The following LRRC4C variants were observed in gnomAD, a reference collection of about 807,000 sequenced individuals.
LRRC4C encodes leucine-rich repeat-containing protein 4C.
Under a neutral mutation model 33.6 loss-of-function variants are expected in LRRC4C, and 5 were observed. The ratio of observed to expected loss-of-function variants is 0.15; its 90% CI spans 0.08 to 0.31. The LOEUF (loss-of-function observed/expected upper bound fraction) is 0.31, where lower values mean the gene tolerates loss of function less well. Ranked by LOEUF, LRRC4C falls within the 10% of genes least tolerant of loss-of-function variation. The pLI is 1.00. For missense variants in LRRC4C, 560 were observed against 796.7 expected (o/e 0.70, Z 3.58); for synonymous variants, 329 against 302.0 (o/e 1.09, Z -0.93).
intron 1 of LRRC4C, among the ~76,000 whole-genome samples, chr11:41,195,702 T>C (rs1360799890): frequency 6.6e-6 from 1 of 152,080 alleles, no homozygotes; most frequent in Non-Finnish European, 1.5e-5. Flanking sequence ...TTATATGGAA[T>C]GGAGGAAGGC....
intron 2 of LRRC4C, among the ~76,000 whole-genome samples, chr11:40,732,722 A>C (rs1947653370): frequency 6.6e-6 from 1 of 152,180 alleles, no homozygotes; most frequent in Admixed American, 6.5e-5. Context: ...CTAGTTATTT[A>C]ATCTTTTTAA....
chr11:41,345,724 A>G (rs997702569), intron 1 of LRRC4C, among the ~76,000 whole-genome samples: 1 of 152,154 alleles, frequency 6.6e-6, no homozygotes, highest in Non-Finnish European at 1.5e-5. Flanking sequence ...TCCAGCCCCT[A>G]CAGATTTCTC....
intron 1 of LRRC4C, among the ~76,000 whole-genome samples, chr11:41,186,084 T>G (rs1945682970): frequency 6.6e-6 from 1 of 152,124 alleles, no homozygotes; most frequent in African/African-American, 2.4e-5. Flanking sequence ...ATAAATGACA[T>G]GAATGTAGTA....
intron 1 of LRRC4C, among the ~76,000 whole-genome samples, chr11:41,177,391 G>C (rs1590847131): frequency 6.6e-6 from 1 of 152,168 alleles, no homozygotes; most frequent in South Asian, 2.1e-4. Context: ...TGAGTACTGA[G>C]AGTCCAAGTT....
At chr11:41,031,539 A>T in intron 1 of LRRC4C, among the ~76,000 whole-genome samples, 1 of 152,128 alleles carries the variant, frequency 6.6e-6, no homozygotes, top group East Asian at 1.9e-4. Flanking sequence ...CATTCAGTGG[A>T]CAAATCATAG....
chr11:41,421,220 T>A (rs1049149195), intron 1 of LRRC4C, among the ~76,000 whole-genome samples: 4 of 152,058 alleles, frequency 2.6e-5, no homozygotes. Flanking sequence ...TATTACTTAA[T>A]GTAATGACAT....
chr11:40,402,394 G>C (rs1156735238), intron 3 of LRRC4C, among the ~76,000 whole-genome samples: 1 of 151,952 alleles, frequency 6.6e-6, no homozygotes, highest in Non-Finnish European at 1.5e-5. Context: ...AAGTTGGCTG[G>C]GCAGATATAT....
intron 1 of LRRC4C, among the ~76,000 whole-genome samples, chr11:40,983,513 A>G (rs1267194674): frequency 1.3e-5 from 2 of 152,242 alleles, no homozygotes; most frequent in Non-Finnish European, 2.9e-5. Context: ...AATCTGACAA[A>G]TGGGATTTAA....
Position 40,980,492 on chromosome 11 carries a change from A to G in LRRC4C, c.-495-46769T>C, listed in dbSNP as rs1171609552. ...ATTGAGACCTCCTAGCATAGTCTGC[A>G]CTATACACCGTCCGTCCATTTCTGG... On this transcript the variant is annotated intron_variant, in intron 1 of 6. Transcript: ENST00000528697. Among the ~76,000 whole-genome samples, 2 of 152,196 alleles carry G rather than the reference A, an allele frequency of 1.3e-5. 1 individual carries two copies. The highest frequency in any genetic ancestry group is 4.1e-4 in the South Asian group (2 of 4,834).
intron 1 of LRRC4C, among the ~76,000 whole-genome samples, chr11:40,949,609 C>T (rs904894533): frequency 4.6e-5 from 7 of 151,150 alleles, no homozygotes; most frequent in African/African-American, 1.7e-4. Flanking sequence ...TCATATCCAG[C>T]CAAACTAAGC....
At chr11:40,823,808 G>A (rs73472619) in intron 2 of LRRC4C, among the ~76,000 whole-genome samples, 2,306 of 151,844 alleles carry the variant, frequency 0.015, 65 homozygotes, top group African/African-American at 0.054. Context: ...CTTACCCTAT[G>A]ACCTAGAAAC....
intron 2 of LRRC4C, among the ~76,000 whole-genome samples, chr11:40,903,619 T>C (rs185647815): frequency 6.6e-6 from 1 of 152,312 alleles, no homozygotes; most frequent in East Asian, 1.9e-4. Flanking sequence ...GAGGTCAAAC[T>C]ATCAACATTA....
intron 1 of LRRC4C, among the ~76,000 whole-genome samples, chr11:41,104,089 T>C (rs1042436667): frequency 1.3e-5 from 2 of 151,874 alleles, no homozygotes; most frequent in African/African-American, 4.8e-5. Flanking sequence ...ACATAAAATA[T>C]GAGAAAAACT....
intron 2 of LRRC4C, among the ~76,000 whole-genome samples, chr11:40,656,215 TTTTC>T (rs1032751002): frequency 2.7e-5 from 4 of 145,588 alleles, no homozygotes; most frequent in African/African-American, 9.8e-5. Flanking sequence ...TCCGTACTGT[TTTTC>T]TTTTTTTTTT....
intron 1 of LRRC4C, among the ~76,000 whole-genome samples, chr11:41,004,264 A>G (rs1239187218): frequency 5.3e-5 from 8 of 152,166 alleles, no homozygotes; most frequent in Admixed American, 5.2e-4. Flanking sequence ...ACAAGCATCA[A>G]ATTTAATGGC....
At chr11:41,185,639 AG>A (rs1286460111) in intron 1 of LRRC4C, among the ~76,000 whole-genome samples, 2 of 152,190 alleles carry the variant, frequency 1.3e-5, no homozygotes, top group African/African-American at 4.8e-5. Context: ...GCCACTGTAA[AG>A]GTTCAGGGCT....
At chr11:41,342,497 T>A (rs1408632572) in intron 1 of LRRC4C, among the ~76,000 whole-genome samples, 1 of 152,118 alleles carries the variant, frequency 6.6e-6, no homozygotes, top group Non-Finnish European at 1.5e-5. Flanking sequence ...GGTGGACCAC[T>A]TGAGGTCAGG....
chr11:40,737,809 A>G (rs1049818784), intron 2 of LRRC4C, among the ~76,000 whole-genome samples: 6 of 152,188 alleles, frequency 3.9e-5, no homozygotes, highest in African/African-American at 1.4e-4. Context: ...AGTAATTTAT[A>G]GATTTAATGC....
At chr11:40,682,849 A>G (rs1030324949) in intron 2 of LRRC4C, among the ~76,000 whole-genome samples, 15 of 152,312 alleles carry the variant, frequency 9.8e-5, no homozygotes, top group Admixed American at 1.3e-4. Context: ...CTATAGTCTG[A>G]TAATAGAGTG....
Sources: allele counts gnomAD v4.1 joint callset (sites outside exome capture counted in the v4.1 genomes callset), GRCh38; gene constraint gnomAD v4.1.1; transcripts MANE v1.5; gene names NCBI Gene and HGNC (gene_info 2026-07-23, HGNC 2026-07-21).